The following RGP1 variants were observed in gnomAD, a reference collection of about 807,000 sequenced individuals.
RGP1 encodes the protein RGP1 partner of RAB6A GEF complex, also known as RAB6A-GEF complex partner protein 2.
A neutral mutation model predicts 44.5 loss-of-function variants in RGP1; 28 were observed. The observed-to-expected ratio is 0.63, with a 90% CI of 0.47 to 0.86. RGP1 has a LOEUF of 0.86. Among genes scored for constraint, RGP1 ranks in the 40% least tolerant of loss-of-function variants. RGP1 has a pLI of 0.00. For synonymous variants in RGP1, 212 were observed against 196.7 expected, an observed-to-expected ratio of 1.08 and a Z score of -0.65; for missense variants, 417 against 490.7, an observed-to-expected ratio of 0.85 and a Z score of 1.42.
chr9:35,770,487 A>C, the RGP1 span, among the ~76,000 whole-genome samples: 1 of 116,090 alleles, frequency 8.6e-6, no homozygotes, highest in Non-Finnish European at 1.7e-5. Context: ...CATAGGTATT[A>C]CCATGGAGAG....
chr9:35,779,127 G>A, the RGP1 span, among the ~76,000 whole-genome samples: 26 of 152,282 alleles, frequency 1.7e-4, no homozygotes, highest in East Asian at 1.2e-3. Flanking sequence ...AATACTGCAC[G>A]TTCTAGAGAG....
Position 35,753,753 on chromosome 9 carries a change from T to G in RGP1, c.*879T>G. The G allele has an allele frequency of 6.2e-7, 1 of 1,614,018 alleles. No individual in the cohort carries two copies. On this transcript the variant is annotated 3_prime_UTR_variant, in exon 9 of 9. Transcript: ENST00000378078. This position sits in a 1 kb window ranked among gnomAD's most constrained non-coding sequence, Gnocchi z 4.2. ...CTCACCCAGGGTAAAATATTTCCCCTCATAGTGACAGGGGGCTAGGGAAGA... is the reference window on the plus strand; with the variant it reads ...CTCACCCAGGGTAAAATATTTCCCCGCATAGTGACAGGGGGCTAGGGAAGA...
At chr9:35,785,420 CTT>C in the RGP1 span, among the ~76,000 whole-genome samples, 5,529 of 111,212 alleles carry the variant, frequency 0.05, 335 homozygotes, top group African/African-American at 0.16. Context: ...AGCAGCTGGG[CTT>C]TTTTTTTTTT....
At chr9:35,785,399 G>GT in the RGP1 span, among the ~76,000 whole-genome samples, 1 of 141,060 alleles carries the variant, frequency 7.1e-6, no homozygotes, top group Non-Finnish European at 1.5e-5. Flanking sequence ...CACCCCCACT[G>GT]TTTCATCTGG....
the RGP1 span, among the ~76,000 whole-genome samples, chr9:35,780,784 T>C: frequency 6.6e-6 from 1 of 151,372 alleles, no homozygotes; most frequent in Non-Finnish European, 1.5e-5. Context: ...CCCAGCTATT[T>C]GGGAGGCTGA....
chr9:35,754,385 G>T lies in RGP1; in HGVS notation c.*1511G>T. 1 of 365,850 alleles carries T rather than the reference G, an allele frequency of 2.7e-6. No homozygotes were observed. Among genetic ancestry groups the T allele is most frequent in the African/African-American group, 2.1e-5 (1 of 47,740 alleles). 22.7% of individuals were successfully genotyped at this position (365,850 alleles called of 1,614,324 possible). A position where few individuals can be genotyped will look rare whatever the true frequency, so the allele number is the denominator to read the frequency against. On this transcript the variant is annotated 3_prime_UTR_variant, in exon 9 of 9. Coordinates refer to ENST00000378078, the MANE Select transcript of RGP1 (RefSeq NM_001080496.3). ...CTGAGGTGAGGGCATGAAAACAAGA[G>T]GTCTAGCTTTAACAAGCTGTGAGAG...
chr9:35,752,892 G>A lies in RGP1; in HGVS notation c.*18G>A. 10 of 1,610,182 alleles carry A rather than the reference G, an allele frequency of 6.2e-6. No homozygotes were observed. Among genetic ancestry groups the A allele is most frequent in the Non-Finnish European group, 8.5e-6 (10 of 1,177,782 alleles). Reference sequence around the variant, plus strand: ...CCATCTGAAACTGGCCCACCCTGGTGCTAGTTCCTTCCGGATACTGAGAAC... The same window carrying A: ...CCATCTGAAACTGGCCCACCCTGGTACTAGTTCCTTCCGGATACTGAGAAC... On this transcript the variant is annotated 3_prime_UTR_variant, in exon 9 of 9. Transcript: ENST00000378078.
chr9:35,749,485 C>A lies in RGP1; in HGVS notation c.-20+77C>A. ...GGAGCGGAGGCCAGTTTGGGAACTC[C>A]GCGGGGGTGCCCAGGGAGAAGAACC... is the stretch of plus-strand genomic sequence containing the variant. On this transcript the variant is annotated intron_variant, in intron 1 of 8. Transcript: ENST00000378078. This position sits in a 1 kb window ranked among gnomAD's most constrained non-coding sequence, Gnocchi z 4.4. 1 of 643,268 alleles carries A rather than the reference C, an allele frequency of 1.6e-6. No individual in the cohort carries two copies. Among genetic ancestry groups the A allele is most frequent in the East Asian group, 3.4e-5 (1 of 29,220 alleles). The allele number at this position is 643,268 out of a possible 1,614,324, so 39.8% of individuals were successfully genotyped here.
the RGP1 span, among the ~76,000 whole-genome samples, chr9:35,771,174 G>C: frequency 6.6e-6 from 1 of 152,086 alleles, no homozygotes. Context: ...TTTCTGAGGA[G>C]TAACTTCCGT....
At chr9:35,751,865 A>G in intron 7 of RGP1, 91 bp from the exon 8 acceptor site, 2 of 1,570,112 alleles carry the variant, frequency 1.3e-6, no homozygotes, top group South Asian at 1.2e-5. Context: ...GGGGTCATCC[A>G]GGGTCCCTTT....
In RGP1 at chr9:35,749,854, G is replaced by A. The variant is rs779110500; in HGVS notation, c.99G>A (p.Thr33=). 3 of 1,612,512 alleles carry A rather than the reference G, an allele frequency of 1.9e-6. No individual in the cohort carries two copies. The highest frequency in any genetic ancestry group is 1.7e-4 in the Middle Eastern group (1 of 6,046). ...VVTVTNPLPP[T]ATSASSEALA... Reference sequence around the variant, plus strand: ...CCGTCACCAACCCCCTTCCGCCCACGGCCACTTCTGCATCCAGGTGGGGAT... The same window carrying A: ...CCGTCACCAACCCCCTTCCGCCCACAGCCACTTCTGCATCCAGGTGGGGAT... The change falls in exon 2 of 9, where the codon ACG becomes ACA. Residue 33 remains threonine, a synonymous_variant. Coordinates refer to ENST00000378078, the MANE Select transcript of RGP1 (RefSeq NM_001080496.3). The surrounding 1 kb of genome is among the most constrained non-coding windows in gnomAD (Gnocchi z 4.4).
chr9:35,789,326 T>A, the RGP1 span, among the ~76,000 whole-genome samples: 1 of 138,724 alleles, frequency 7.2e-6, no homozygotes, highest in Non-Finnish European at 1.5e-5. Flanking sequence ...CTCCTTCCAC[T>A]TCCTTTTTTT....
chr9:35,767,852 G>A, the RGP1 span, among the ~76,000 whole-genome samples: 7 of 152,108 alleles, frequency 4.6e-5, no homozygotes, highest in African/African-American at 1.7e-4. Context: ...ACCCAGGCTG[G>A]AGTGCAGTGG....
At chr9:35,758,808 ATT>A (rs796906645), downstream of RGP1, among the ~76,000 whole-genome samples, 1 of 146,222 alleles carries the variant, frequency 6.8e-6, no homozygotes, top group African/African-American at 2.5e-5. Flanking sequence ...TGCTTCACTG[ATT>A]TTTTTTTTTT....
chr9:35,779,425 T>A, the RGP1 span, among the ~76,000 whole-genome samples: 1 of 152,146 alleles, frequency 6.6e-6, no homozygotes, highest in East Asian at 1.9e-4. Flanking sequence ...TTTGTTCAGC[T>A]CCGCACCTGT....
chr9:35,784,134 AT>A, the RGP1 span, among the ~76,000 whole-genome samples: 6 of 151,034 alleles, frequency 4.0e-5, no homozygotes, highest in Admixed American at 1.3e-4. Flanking sequence ...ATTATTTGGG[AT>A]TTTTTTTTGC....
chr9:35,772,990 C>A, the RGP1 span, among the ~76,000 whole-genome samples: 2 of 152,052 alleles, frequency 1.3e-5, no homozygotes, highest in Non-Finnish European at 1.5e-5. Context: ...AGACTACAGA[C>A]CTATTTCAGT....
the RGP1 span, among the ~76,000 whole-genome samples, chr9:35,764,651 A>C: frequency 9.9e-5 from 15 of 152,076 alleles, no homozygotes; most frequent in South Asian, 2.3e-3. Flanking sequence ...CACTGCCCCC[A>C]AATTTCCTTA....
the RGP1 span, among the ~76,000 whole-genome samples, chr9:35,778,967 C>T: frequency 6.6e-6 from 1 of 152,176 alleles, no homozygotes; most frequent in Non-Finnish European, 1.5e-5. Flanking sequence ...CAAAAGATGA[C>T]TTTGCTTCCC....
Sources: gnomAD v4.1 joint callset for allele counts (sites outside exome capture counted in the v4.1 genomes callset) on GRCh38, gnomAD v4.1.1 for gene constraint, Gnocchi (gnomAD v3.1) non-coding constraint, MANE v1.5 for transcripts, NCBI Gene and HGNC (gene_info 2026-07-23, HGNC 2026-07-21) for gene names.